The following CYP4A11 variants were observed in gnomAD, a reference collection of about 807,000 sequenced individuals.
CYP4A11 encodes the protein cytochrome P450 family 4 subfamily A member 11, also known as cytochrome P450 4A11.
Under a neutral mutation model 57.7 loss-of-function variants are expected in CYP4A11, and 52 were observed. The ratio of observed to expected loss-of-function variants is 0.90; its 90% CI spans 0.72 to 1.14. The LOEUF is 1.14. CYP4A11 is among the 50% of genes most tolerant of loss of function. The probability of loss-of-function intolerance (pLI) is 0.00; values close to 1 mark genes in which losing one functional copy is unlikely to be tolerated. For missense variants in CYP4A11, 641 were observed against 642.1 expected (o/e 1.00, Z 0.02); for synonymous variants, 228 against 247.1 (o/e 0.92, Z 0.72).
At chr1:46,941,028 G>A in intron 1 of CYP4A11, 6 of 980,520 alleles carry the variant, frequency 6.1e-6, no homozygotes, top group Non-Finnish European at 6.1e-6. Flanking sequence ...GAGGGCACGG[G>A]TGATAGAGCT....
chr1:46,936,937 C>T (rs538811306), intron 3 of CYP4A11, 146 bp from the exon 4 acceptor site: 8 of 1,410,902 alleles, frequency 5.7e-6, no homozygotes, highest in African/African-American at 2.9e-5. Flanking sequence ...GAAGCCACGT[C>T]ATGGGCAAAT....
Position 46,935,549 on chromosome 1 carries a change from G to A in CYP4A11, c.609C>T (p.Ser203=). Reference sequence around the variant, plus strand: ...TGTCCACCTGGATGCTGCCCTGATGGCTGAAGGCACACTTCATGATGGTGT... The same window carrying A: ...TGTCCACCTGGATGCTGCCCTGATGACTGAAGGCACACTTCATGATGGTGT... ...TLDTIMKCAF[S]HQGSIQVDRN... Residue 203 remains serine (S), a synonymous_variant, in exon 5 of 12, where the codon AGC becomes AGT. Transcript: ENST00000310638. 1 of 1,613,952 alleles carries A rather than the reference G, an allele frequency of 6.2e-7. No individual in the cohort carries two copies. Among genetic ancestry groups the A allele is most frequent in the Non-Finnish European group, 8.5e-7 (1 of 1,179,840 alleles).
chr1:46,934,346 C>G lies in CYP4A11; in HGVS notation c.918G>C (p.Leu306Phe), dbSNP rs148595946. Residue 306 changes from leucine (L) to phenylalanine (F), a missense_variant, in exon 8 of 12, where the codon TTG becomes TTC. By Grantham distance (22) the Leu-to-Phe change is conservative (BLOSUM62 0). Coordinates refer to ENST00000310638, the MANE Select transcript of CYP4A11 (RefSeq NM_000778.4). ...CCTCAGCACGGAGGTCCTTGTCTGA[C>G]AAGATGCTCCCATTCTCCATCTGGG... ...LLAKMENGSI[L>F]SDKDLRAEVD... 1.0e-5 allele frequency: 16 copies of G among 1,590,684 alleles called. No homozygotes were observed. Among genetic ancestry groups the G allele is most frequent in the Non-Finnish European group, 1.4e-5 (16 of 1,166,670 alleles).
At position 46,930,614 on chromosome 1, in the gene CYP4A11, T is replaced by C. The variant is rs368306046; in HGVS notation, c.1365-304A>G. Reference sequence around the variant, plus strand: ...CTCTAAGGCACAGAGTCTAATCACATGAATAGATAAAGAGTTAATCAATGG... The same window carrying C: ...CTCTAAGGCACAGAGTCTAATCACACGAATAGATAAAGAGTTAATCAATGG... On this transcript the variant is annotated intron_variant, in intron 11 of 11. Transcript: ENST00000310638. Among the ~76,000 whole-genome samples, 17 of 152,268 alleles carry C rather than the reference T, an allele frequency of 1.1e-4. No individual in the cohort carries two copies. The East Asian group carries it at 3.3e-3, about 29-fold the overall frequency.
At position 46,934,243 on chromosome 1, in the gene CYP4A11, G is replaced by GTT. The variant is rs573827293; in HGVS notation, c.1020_1021insAA (p.Pro341AsnfsTer41). 6.2e-7 allele frequency: 1 copy of GTT among 1,613,676 alleles called. No homozygotes were observed. Among genetic ancestry groups the GTT allele is most frequent in the South Asian group, 1.1e-5 (1 of 91,032 alleles). ...TCCCGGCACCTCTCCTGATGCTTGG[G>GTT]GTGTGTGGCCAGAGCATAGAGGATC... On this transcript the variant is annotated frameshift_variant, in exon 8 of 12. Transcript: ENST00000310638. LOFTEE classifies it high-confidence loss of function.
rs766102280 is a variant in CYP4A11, at chr1:46,933,952, G to T, written c.1216C>A (p.Pro406Thr). ...GGGTGGGGGAACTTCATACCTTTGG[G>T]CAAGGAGCGCCCATCAGGGAAGGTG... ...PVTFPDGRSL[P>T]KGIMVLLSIY... The change falls in exon 9 of 12, where the codon CCC (proline) becomes ACC (threonine). Residue 406 changes from proline to threonine, a missense_variant. Coordinates refer to ENST00000310638, the MANE Select transcript of CYP4A11 (RefSeq NM_000778.4). The T allele has an allele frequency of 2.0e-5, 33 of 1,614,014 alleles. No individual in the cohort carries two copies. The East Asian group carries it at 3.6e-4, about 17-fold the overall frequency.
In CYP4A11 at chr1:46,938,061, C is replaced by G; in HGVS notation, c.272G>C (p.Trp91Ser). The G allele has an allele frequency of 6.2e-7, 1 of 1,614,216 alleles. No homozygotes were observed. Among genetic ancestry groups the G allele is most frequent in the Non-Finnish European group, 8.5e-7 (1 of 1,180,038 alleles). The change falls in exon 2 of 12, where the codon TGG (tryptophan) becomes TCG (serine). Residue 91 changes from tryptophan to serine, a missense_variant. Transcript: ENST00000310638. Reference sequence around the variant, plus strand: ...GAGCTGGACACGAACTTTGCCTCCCCATAGCCAATGAGGACAGGCACTTGG... The same window carrying G: ...GAGCTGGACACGAACTTTGCCTCCCGATAGCCAATGAGGACAGGCACTTGG... ...TFPSACPHWL[W>S]GGKVRVQLYD...
At chr1:46,935,903 G>A (rs1338489199) in intron 4 of CYP4A11, among the ~76,000 whole-genome samples, 1 of 152,214 alleles carries the variant, frequency 6.6e-6, no homozygotes, top group African/African-American at 2.4e-5. Context: ...CATGGATTAA[G>A]TATTGAATTT....
intron 11 of CYP4A11, 144 bp from the exon 12 acceptor site, chr1:46,930,454 G>A (rs1680951735): frequency 1.6e-5 from 15 of 948,226 alleles, no homozygotes; most frequent in East Asian, 2.6e-5. Context: ...TACAGCCCAT[G>A]GACACTTCTA....
In CYP4A11 at chr1:46,935,204, C is replaced by T. The variant is rs376255711; in HGVS notation, c.636-50G>A. On this transcript the variant is annotated intron_variant, in intron 5 of 11. Coordinates refer to ENST00000310638, the MANE Select transcript of CYP4A11 (RefSeq NM_000778.4). ...CTGCAGTAGGGGTGGGCCCATTACC[C>T]GGAAGTAGAATGGGGTCTGAGAGGA... 17 of 1,582,072 alleles carry T rather than the reference C, an allele frequency of 1.1e-5. No homozygotes were observed. The African/African-American group carries it at 1.6e-4, about 15-fold the overall frequency.
At chr1:46,938,908 CGTTT>C in intron 1 of CYP4A11, among the ~76,000 whole-genome samples, 2 of 152,336 alleles carry the variant, frequency 1.3e-5, no homozygotes, top group South Asian at 4.1e-4. Context: ...CACCATCACC[CGTTT>C]GTTTCAGCTC....
chr1:46,937,232 T>A, intron 3 of CYP4A11, 70 bp downstream of exon 3: 1 of 1,555,936 alleles, frequency 6.4e-7, no homozygotes, highest in East Asian at 2.3e-5. Flanking sequence ...AATCTGTTGT[T>A]CTCTGTGAGC....
At chr1:46,937,188 A>C in intron 3 of CYP4A11, 114 bp downstream of exon 3, 2 of 1,287,502 alleles carry the variant, frequency 1.6e-6, no homozygotes, top group South Asian at 2.9e-5. Context: ...GTGAGGCTTG[A>C]TTTGGGGATA....
Position 46,941,406 on chromosome 1 carries a change from T to G in CYP4A11, c.28A>C (p.Arg10=). 6.2e-7 allele frequency: 1 copy of G among 1,614,170 alleles called. No homozygotes were observed. Residue 10 remains arginine (R), a synonymous_variant, in exon 1 of 12, where the codon AGA becomes CGA. Transcript: ENST00000310638. ...ATTCCAGAGACATCACCCAGGAGTC[T>G]GCTGGGGCTCAGCACAGAGACACTC... MSVSVLSPS[R]LLGDVSGILQ...
intron 11 of CYP4A11, chr1:46,931,628 T>C (rs1681033882): frequency 1.6e-5 from 11 of 682,146 alleles, no homozygotes; most frequent in Non-Finnish European, 2.0e-5. Flanking sequence ...TCTCCAGTTC[T>C]CTAGTGGCAG....
At chr1:46,938,175 C>T in intron 1 of CYP4A11, 38 bp from the exon 2 acceptor site, 6 of 1,612,898 alleles carry the variant, frequency 3.7e-6, no homozygotes, top group African/African-American at 2.7e-5. Context: ...CTTTCATTTA[C>T]TTCTAGTCTT....
Position 46,937,981 on chromosome 1 carries a change from G to A in CYP4A11, c.337+15C>T. ...GGGAAGACACATTGCAGTTGGGATG[G>A]GGGTTCGATCTCACCTGATCTCCCC... On this transcript the variant is annotated intron_variant, in intron 2 of 11. Transcript: ENST00000310638. The A allele has an allele frequency of 6.2e-7, 1 of 1,613,658 alleles. No homozygotes were observed. Among genetic ancestry groups the A allele is most frequent in the Non-Finnish European group, 8.5e-7 (1 of 1,179,924 alleles).
chr1:46,936,639 G>A, intron 4 of CYP4A11, 25 bp downstream of exon 4: 1 of 1,565,762 alleles, frequency 6.4e-7, no homozygotes, highest in Non-Finnish European at 8.7e-7. Flanking sequence ...GTGGGTGTGG[G>A]GAGAGGAGAG....
chr1:46,930,882 C>T (rs1205089254), intron 11 of CYP4A11, among the ~76,000 whole-genome samples: 2 of 152,106 alleles, frequency 1.3e-5, no homozygotes, highest in African/African-American at 4.8e-5. Context: ...CCCCAGGGTC[C>T]GGGCTCCTGT....
Sources: allele counts gnomAD v4.1 joint callset (sites outside exome capture counted in the v4.1 genomes callset), GRCh38; gene constraint gnomAD v4.1.1; transcripts MANE v1.5; gene names NCBI Gene and HGNC (gene_info 2026-07-23, HGNC 2026-07-21).